SLC41A2: variants seen among roughly 807,000 people sequenced by gnomAD.
The protein encoded by SLC41A2 is solute carrier family 41 member 2.
A neutral mutation model predicts 58.3 loss-of-function variants in SLC41A2; 32 were observed. The ratio of observed to expected loss-of-function variants is 0.55; its 90% CI spans 0.41 to 0.74. The LOEUF (loss-of-function observed/expected upper bound fraction) is 0.74. Ranked by LOEUF, SLC41A2 falls within the 30% of genes least tolerant of loss-of-function variation. The probability of loss-of-function intolerance (pLI) is 0.00; values close to 1 mark genes in which losing one functional copy is unlikely to be tolerated. For missense variants in SLC41A2, 514 were observed against 680.6 expected (o/e 0.76, Z 2.72); for synonymous variants, 190 against 235.0 (o/e 0.81, Z 1.75).
intron 1 of SLC41A2, among the ~76,000 whole-genome samples, chr12:104,948,058 G>A (rs1341801026): frequency 6.6e-6 from 1 of 152,100 alleles, no homozygotes; most frequent in Non-Finnish European, 1.5e-5. Flanking sequence ...AATTAAAATT[G>A]TTATTATGGA....
intron 1 of SLC41A2, among the ~76,000 whole-genome samples, chr12:104,953,043 C>T (rs1211664429): frequency 6.6e-6 from 1 of 152,210 alleles, no homozygotes; most frequent in East Asian, 1.9e-4. Flanking sequence ...GGTTGTAACT[C>T]TTAGAGCAAG....
intron 10 of SLC41A2, among the ~76,000 whole-genome samples, chr12:104,811,259 A>T (rs1304959339): frequency 6.6e-6 from 1 of 152,196 alleles, no homozygotes; most frequent in East Asian, 1.9e-4. Flanking sequence ...CTGTTGTAAG[A>T]GCAAAAAATT....
Position 104,857,222 on chromosome 12 carries a change from T to A in SLC41A2, c.1255+4069A>T, listed in dbSNP as rs544072063. Among the ~76,000 whole-genome samples the A allele has an allele frequency of 2.6e-5, 4 of 152,266 alleles. No individual in the cohort carries two copies. The South Asian group carries it at 8.3e-4, about 32-fold the overall frequency. On this transcript the variant is annotated intron_variant, in intron 8 of 10. Coordinates refer to ENST00000258538, the MANE Select transcript of SLC41A2 (RefSeq NM_001352171.3). The stretch of plus-strand genomic sequence containing the variant: ...AGACTGTGATAAAAAAGATATAAGC[T>A]CTAAATCAATGGTTCTCAAAGTGTG...
chr12:104,958,552 C>G (rs935740324), upstream of SLC41A2: 1 of 152,464 alleles, frequency 6.6e-6, no homozygotes, highest in Non-Finnish European at 1.5e-5. Flanking sequence ...AGGGCTGTGG[C>G]CTCCTTCGGC....
Position 104,853,911 on chromosome 12 carries a change from A to ATTATTATTTTTTT in SLC41A2, c.1255+7379_1255+7380insAAAAAAATAATAA. Among the ~76,000 whole-genome samples the ATTATTATTTTTTT allele has an allele frequency of 7.2e-4, 43 of 59,490 alleles. 2 individuals are homozygous for ATTATTATTTTTTT. The highest frequency in any genetic ancestry group is 8.7e-4 in the East Asian group (2 of 2,290). The allele number at this position is 59,490 out of a possible 152,430, so 39.0% of individuals were successfully genotyped here. On this transcript the variant is annotated intron_variant, in intron 8 of 10. Transcript: ENST00000258538. ...GGGTGCATGTCACCATGCCTGGCTG[A>ATTATTATTTTTTT]TTTTTTTTTTTTTTTTTTTTTTTTT...
intron 10 of SLC41A2, among the ~76,000 whole-genome samples, chr12:104,842,058 C>A (rs955520675): frequency 6.6e-5 from 10 of 151,886 alleles, no homozygotes; most frequent in Middle Eastern, 3.4e-3. Flanking sequence ...ATAAATTTAA[C>A]CTAGATCAAA....
At chr12:104,815,323 T>TATC (rs2041346448) in intron 10 of SLC41A2, among the ~76,000 whole-genome samples, 1 of 152,246 alleles carries the variant, frequency 6.6e-6, no homozygotes, top group African/African-American at 2.4e-5. Context: ...TGTGTTTTTA[T>TATC]ATCATCTGTT....
chr12:104,824,136 C>G (rs983639863), intron 10 of SLC41A2, among the ~76,000 whole-genome samples: 1 of 152,130 alleles, frequency 6.6e-6, no homozygotes, highest in African/African-American at 2.4e-5. Flanking sequence ...GCTCCACCCC[C>G]GGGCCTGTGC....
intron 6 of SLC41A2, among the ~76,000 whole-genome samples, chr12:104,867,462 G>A (rs2043523092): frequency 6.6e-6 from 1 of 151,992 alleles, no homozygotes; most frequent in Non-Finnish European, 1.5e-5. Context: ...CTTAATCTAA[G>A]TCAAATGTTA....
chr12:104,901,366 T>C lies in SLC41A2; in HGVS notation c.664-6021A>G, dbSNP rs375327982. Among the ~76,000 whole-genome samples, 4 of 152,202 alleles carry C rather than the reference T, an allele frequency of 2.6e-5. No individual in the cohort carries two copies. The South Asian group carries it at 8.3e-4, about 32-fold the overall frequency. ...ATTATACACTACTATTACATACCTA[T>C]AATATCTACTATAATTTCATATATA... On this transcript the variant is annotated intron_variant, in intron 3 of 10. Transcript: ENST00000258538.
chr12:104,813,395 G>A (rs1054859239), intron 10 of SLC41A2, among the ~76,000 whole-genome samples: 6 of 152,194 alleles, frequency 3.9e-5, no homozygotes, highest in African/African-American at 1.4e-4. Context: ...GAGGATGGAA[G>A]GTGGGGAAAT....
chr12:104,858,604 G>A (rs967139087), intron 8 of SLC41A2, among the ~76,000 whole-genome samples: 4 of 152,138 alleles, frequency 2.6e-5, no homozygotes, highest in African/African-American at 9.7e-5. Flanking sequence ...GAGGAGCATA[G>A]AGTAAACCAT....
intron 5 of SLC41A2, among the ~76,000 whole-genome samples, chr12:104,888,350 A>G (rs2135662527): frequency 6.6e-6 from 1 of 151,740 alleles, no homozygotes; most frequent in South Asian, 2.1e-4. Flanking sequence ...ATCCACTTTA[A>G]ACTTTGCTGG....
rs145275307 is a variant in SLC41A2 at position 104,876,686 on chromosome 12, T to C, written c.1027+9607A>G. On this transcript the variant is annotated intron_variant, in intron 6 of 10. Coordinates refer to ENST00000258538, the MANE Select transcript of SLC41A2 (RefSeq NM_001352171.3). ...AAAGTCTTCTTTGTTAAGACTTGTTTTGTGGCCTAATATATGATCTATCCT... is the reference window on the plus strand; with the variant it reads ...AAAGTCTTCTTTGTTAAGACTTGTTCTGTGGCCTAATATATGATCTATCCT... Among the ~76,000 whole-genome samples the C allele has an allele frequency of 2.8e-3, 434 of 152,356 alleles. 1 individual carries two copies. Among genetic ancestry groups the C allele is most frequent in the African/African-American group, 9.8e-3 (406 of 41,588 alleles).
chr12:104,814,538 C>G (rs923497999), intron 10 of SLC41A2, among the ~76,000 whole-genome samples: 3 of 151,790 alleles, frequency 2.0e-5, no homozygotes, highest in Non-Finnish European at 4.4e-5. Context: ...TTATACATGA[C>G]AAATGAAACA....
In SLC41A2 at chr12:104,889,277, T is replaced by C. The variant is rs139474310; in HGVS notation, c.736-100A>G. On this transcript the variant is annotated intron_variant, in intron 4 of 10. Coordinates refer to ENST00000258538, the MANE Select transcript of SLC41A2 (RefSeq NM_001352171.3). ...TTACTACAAAAAGTCAAAAAAAGTATTGCATGTAATAATTGAGCTACATTA... is the reference window on the plus strand; with the variant it reads ...TTACTACAAAAAGTCAAAAAAAGTACTGCATGTAATAATTGAGCTACATTA... 4.6e-4 allele frequency: 561 copies of C among 1,211,130 alleles called. 2 individuals carry two copies. The highest frequency in any genetic ancestry group is 1.6e-3 in the Admixed American group (60 of 36,426). The allele number at this position is 1,211,130 out of a possible 1,614,324, so 75.0% of individuals were successfully genotyped here.
chr12:104,822,030 G>C (rs1323578390), intron 10 of SLC41A2, among the ~76,000 whole-genome samples: 5 of 151,946 alleles, frequency 3.3e-5, no homozygotes, highest in Non-Finnish European at 1.5e-5. Context: ...ATAATGCAAA[G>C]AACTAGAGAC....
intron 10 of SLC41A2, among the ~76,000 whole-genome samples, chr12:104,819,322 A>G (rs1401802080): frequency 6.6e-6 from 1 of 152,246 alleles, no homozygotes; most frequent in Non-Finnish European, 1.5e-5. Context: ...TGTAGAGCTA[A>G]TCAATAATTA....
chr12:104,847,363 G>C (rs56130052), intron 8 of SLC41A2, among the ~76,000 whole-genome samples: 1 of 151,980 alleles, frequency 6.6e-6, no homozygotes, highest in Non-Finnish European at 1.5e-5. Context: ...CAGCACTTTG[G>C]GGGGCCGAGG....
Sources: gnomAD v4.1 joint callset for allele counts (sites outside exome capture counted in the v4.1 genomes callset) on GRCh38, gnomAD v4.1.1 for gene constraint, MANE v1.5 for transcripts, NCBI Gene and HGNC (gene_info 2026-07-23, HGNC 2026-07-21) for gene names.